The following TNRC6A variants were observed in gnomAD, a reference collection of about 807,000 sequenced individuals.
The protein encoded by TNRC6A is trinucleotide repeat containing adaptor 6A.
TNRC6A carries 44 observed loss-of-function variants against 221.2 expected under a neutral mutation model. The observed-to-expected ratio is 0.20, with a 90% CI of 0.16 to 0.26. TNRC6A has a LOEUF of 0.26. Ranked by LOEUF, TNRC6A falls within the 10% of genes least tolerant of loss-of-function variation. TNRC6A has a pLI of 1.00. For missense variants in TNRC6A, 2,199 were observed against 2,404.4 expected (o/e 0.91, Z 1.79); for synonymous variants, 847 against 838.5 (o/e 1.01, Z -0.18).
At chr16:24,719,360 C>A (rs1213964670) in intron 2 of TNRC6A, among the ~76,000 whole-genome samples, 3 of 152,010 alleles carry the variant, frequency 2.0e-5, no homozygotes, top group Non-Finnish European at 4.4e-5. Flanking sequence ...CCTATCTCTA[C>A]AAAAAATTTT....
intron 1 of TNRC6A, among the ~76,000 whole-genome samples, chr16:24,638,412 G>T (rs922211328): frequency 1.3e-5 from 2 of 151,132 alleles, no homozygotes; most frequent in African/African-American, 2.4e-5. Flanking sequence ...GCAAGACCCT[G>T]TCTCAAAAAA....
intron 3 of TNRC6A, among the ~76,000 whole-genome samples, 188 bp from the exon 4 acceptor site, chr16:24,758,151 G>A (rs922332278): frequency 1.3e-5 from 2 of 152,094 alleles, no homozygotes; most frequent in Admixed American, 1.3e-4. Context: ...CAGGGATAAT[G>A]GGGCACATCT....
chr16:24,644,182 A>G (rs1277326388), intron 2 of TNRC6A, among the ~76,000 whole-genome samples: 1 of 129,296 alleles, frequency 7.7e-6, no homozygotes, highest in Non-Finnish European at 1.5e-5. Context: ...TGCCTTCCGG[A>G]TTCACGCCAT....
chr16:24,795,770 G>A lies in TNRC6A; in HGVS notation c.3529-137G>A, dbSNP rs2058206226. ...TAGGACACTGATGAATTTGAGACTG[G>A]AAAAGGTGGTGACTTGCCCAAAGTT... On this transcript the variant is annotated intron_variant, in intron 8 of 24. Transcript: ENST00000395799. 7 of 677,392 alleles carry A rather than the reference G, an allele frequency of 1.0e-5. No homozygotes were observed. In the South Asian group the frequency reaches 1.9e-4, roughly 18 times the overall value. 42.0% of individuals were successfully genotyped at this position (677,392 alleles called of 1,614,324 possible).
intron 2 of TNRC6A, among the ~76,000 whole-genome samples, chr16:24,745,349 T>C (rs542269342): frequency 2.0e-5 from 3 of 152,116 alleles, no homozygotes; most frequent in Non-Finnish European, 4.4e-5. Context: ...TTTTGGTGAT[T>C]AATTTAGGTA....
At chr16:24,822,358 T>G (rs1048345811) in intron 23 of TNRC6A, among the ~76,000 whole-genome samples, 4 of 152,178 alleles carry the variant, frequency 2.6e-5, no homozygotes, top group African/African-American at 7.2e-5. Context: ...GCATACAGAT[T>G]CCCAGGCCTC....
intron 11 of TNRC6A, among the ~76,000 whole-genome samples, chr16:24,802,341 G>A (rs1418315980): frequency 6.6e-6 from 1 of 152,154 alleles, no homozygotes; most frequent in East Asian, 1.9e-4. Context: ...TTGAGGTCAG[G>A]AGTTGGAGAC....
At chr16:24,624,077 G>GT (rs1900831209) in intron 1 of TNRC6A, among the ~76,000 whole-genome samples, 1 of 152,122 alleles carries the variant, frequency 6.6e-6, no homozygotes, top group African/African-American at 2.4e-5. Flanking sequence ...TCTTGGCTGG[G>GT]TTCTTTCACC....
chr16:24,714,060 T>C (rs2056263780), intron 2 of TNRC6A, among the ~76,000 whole-genome samples: 1 of 152,208 alleles, frequency 6.6e-6, no homozygotes, highest in Non-Finnish European at 1.5e-5. Flanking sequence ...GGATCTGTGG[T>C]TTATAGTTTT....
At chr16:24,775,094 A>C (rs914708505) in intron 4 of TNRC6A, among the ~76,000 whole-genome samples, 1 of 152,214 alleles carries the variant, frequency 6.6e-6, no homozygotes, top group Admixed American at 6.5e-5. Flanking sequence ...AGAATATTCT[A>C]GTGCCATATG....
chr16:24,802,162 C>CA (rs1209904778), intron 11 of TNRC6A, among the ~76,000 whole-genome samples: 3 of 152,132 alleles, frequency 2.0e-5, no homozygotes, highest in African/African-American at 7.2e-5. Context: ...GCAGACATCT[C>CA]AAAGAACAGC....
At position 24,777,151 on chromosome 16, in the gene TNRC6A, G is replaced by T. The variant is rs199790183; in HGVS notation, c.382G>T (p.Ala128Ser). The change falls in exon 5 of 25, where the codon GCC becomes TCC. Residue 128 changes from alanine (A) to serine (S), a missense_variant. Ala to Ser is a moderately conservative substitution (Grantham distance 99). Around this residue, in one of 8 missense-constraint regions of TNRC6A, gnomAD observed 1,405 missense variants for 1,400.2 expected, o/e 1.00. Transcript: ENST00000395799. Reference sequence around the variant, plus strand: ...GCAGCAGCCACAGCAGCAGCCACAGGCCTTGCCTCGGTATCCTCGTGAAGT... The same window carrying T: ...GCAGCAGCCACAGCAGCAGCCACAGTCCTTGCCTCGGTATCCTCGTGAAGT... ...QQQQPQQQPQALPRYPREVPP... is the reference protein window; with the variant it reads ...QQQQPQQQPQSLPRYPREVPP... The T allele has an allele frequency of 1.4e-5, 22 of 1,613,844 alleles. No homozygotes were observed. Among genetic ancestry groups the T allele is most frequent in the Non-Finnish European group, 1.8e-5 (21 of 1,179,964 alleles).
chr16:24,730,516 G>A (rs2056608215), intron 2 of TNRC6A, among the ~76,000 whole-genome samples: 1 of 148,670 alleles, frequency 6.7e-6, no homozygotes, highest in Non-Finnish European at 1.5e-5. Flanking sequence ...AAAAAAAAGC[G>A]CAAAGCAATT....
chr16:24,752,037 T>C (rs1450139628), intron 3 of TNRC6A, among the ~76,000 whole-genome samples: 1 of 152,132 alleles, frequency 6.6e-6, no homozygotes, highest in Non-Finnish European at 1.5e-5. Flanking sequence ...TCTGAAGAGT[T>C]GAACTAGGAA....
chr16:24,666,204 C>T (rs2055155408), intron 2 of TNRC6A, among the ~76,000 whole-genome samples: 1 of 152,014 alleles, frequency 6.6e-6, no homozygotes, highest in African/African-American at 2.4e-5. Flanking sequence ...AGCAGTGGCT[C>T]ATGCCTGTAA....
At chr16:24,730,321 G>C in intron 2 of TNRC6A, 21 bp downstream of exon 2, 3 of 1,601,796 alleles carry the variant, frequency 1.9e-6, no homozygotes, top group Non-Finnish European at 2.6e-6. Context: ...CGAGCTTTCC[G>C]TCTCCCGCCC....
intron 11 of TNRC6A, among the ~76,000 whole-genome samples, chr16:24,798,810 C>T (rs73551541): frequency 0.068 from 10,278 of 152,194 alleles, 850 homozygotes; most frequent in East Asian, 0.36. Flanking sequence ...GGAGAAACTA[C>T]GCAGTAATTT....
chr16:24,628,554 A>C (rs939481153), intron 1 of TNRC6A, among the ~76,000 whole-genome samples: 4 of 152,086 alleles, frequency 2.6e-5, no homozygotes, highest in East Asian at 1.9e-4. Context: ...CCATTAACCT[A>C]CTCAAACTGA....
chr16:24,742,998 T>C lies in TNRC6A; in HGVS notation c.54-7728T>C, dbSNP rs182624370. On this transcript the variant is annotated intron_variant, in intron 2 of 24. Coordinates refer to ENST00000395799, the MANE Select transcript of TNRC6A (RefSeq NM_014494.4). Reference sequence around the variant, plus strand: ...AGGTCAAGGATGAGGTTTGTTTGGATTGGAAAGAATCATGAAGGGACTAGT... The same window carrying C: ...AGGTCAAGGATGAGGTTTGTTTGGACTGGAAAGAATCATGAAGGGACTAGT... Among the ~76,000 whole-genome samples the C allele has an allele frequency of 1.4e-4, 22 of 152,220 alleles. 1 individual carries two copies. The highest frequency in any genetic ancestry group is 1.2e-3 in the Admixed American group (18 of 15,276).
Sources: gnomAD v4.1 joint callset for allele counts (sites outside exome capture counted in the v4.1 genomes callset) on GRCh38, gnomAD v4.1.1 for gene constraint, gnomAD v4.1.1 regional missense constraint, MANE v1.5 for transcripts, NCBI Gene and HGNC (gene_info 2026-07-23, HGNC 2026-07-21) for gene names.